Variants in BRPF1 observed in about 807,000 individuals in gnomAD.
BRPF1 encodes the protein bromodomain and PHD finger containing 1, also known as peregrin.
Under a neutral mutation model 115.0 loss-of-function variants are expected in BRPF1, and 15 were observed. The ratio of observed to expected loss-of-function variants is 0.13; its 90% CI spans 0.09 to 0.20. The LOEUF is 0.20. BRPF1 is among the 10% of genes least tolerant of loss of function. The pLI is 1.00. For missense variants in BRPF1, 1,118 were observed against 1,638.3 expected, an observed-to-expected ratio of 0.68 and a Z score of 5.48; for synonymous variants, 647 against 619.8, an observed-to-expected ratio of 1.04 and a Z score of -0.65.
At chr3:9,741,681 G>T (rs537938174) in intron 5 of BRPF1, among the ~76,000 whole-genome samples, 26 of 151,156 alleles carry the variant, frequency 1.7e-4, no homozygotes, top group African/African-American at 6.3e-4. Context: ...AATAGCGTGT[G>T]TACCCCAGCC....
intron 3 of BRPF1, 145 bp from the exon 4 acceptor site, chr3:9,740,629 TCCTTG>T: frequency 9.9e-7 from 1 of 1,005,760 alleles, no homozygotes; most frequent in Non-Finnish European, 1.5e-6. Flanking sequence ...CACTCTTTCT[TCCTTG>T]CCTTAAGTCC....
At chr3:9,741,837 G>C (rs1391545977) in intron 5 of BRPF1, among the ~76,000 whole-genome samples, 188 bp from the exon 6 acceptor site, 1 of 152,116 alleles carries the variant, frequency 6.6e-6, no homozygotes, top group Non-Finnish European at 1.5e-5. Context: ...TTCAAGAAAG[G>C]GGGAAGCCAG....
In BRPF1 at chr3:9,734,049, A is replaced by G; in HGVS notation, c.-10-82A>G. ...AATCTGGTGACTCCAAGTGAGGGGGAGGGCTAGAAAGACTGGGGTCTCTGG... is the reference window on the plus strand; with the variant it reads ...AATCTGGTGACTCCAAGTGAGGGGGGGGGCTAGAAAGACTGGGGTCTCTGG... On this transcript the variant is annotated intron_variant, in intron 1 of 13. Coordinates refer to ENST00000383829, the MANE Select transcript of BRPF1 (RefSeq NM_001003694.2). This position sits in a 1 kb window ranked among gnomAD's most constrained non-coding sequence, Gnocchi z 5.7. 2 of 1,504,588 alleles carry G rather than the reference A, an allele frequency of 1.3e-6. No homozygotes were observed. The highest frequency in any genetic ancestry group is 8.8e-7 in the Non-Finnish European group (1 of 1,132,000). 93.2% of individuals were successfully genotyped at this position (1,504,588 alleles called of 1,614,324 possible).
At chr3:9,736,914 C>T (rs1343722582) in intron 2 of BRPF1, among the ~76,000 whole-genome samples, 1 of 152,162 alleles carries the variant, frequency 6.6e-6, no homozygotes, top group Non-Finnish European at 1.5e-5. Flanking sequence ...GACATGCAGC[C>T]TACCTTATCT....
At chr3:9,744,811 G>A (rs1192048785) in intron 9 of BRPF1, among the ~76,000 whole-genome samples, 197 bp from the exon 10 acceptor site, 6 of 152,134 alleles carry the variant, frequency 3.9e-5, no homozygotes, top group African/African-American at 1.2e-4. Flanking sequence ...AGTAACTGCC[G>A]AGGGAAGCAA....
At position 9,743,317 on chromosome 3, in the gene BRPF1, T is replaced by A; in HGVS notation, c.2311+64T>A. ...CCGGGGATGGACAGCTTTCCAAAAG[T>A]CCCCTCCTGGGAGCAGGCAGTGTAG... On this transcript the variant is annotated intron_variant, in intron 7 of 13. Coordinates refer to ENST00000383829, the MANE Select transcript of BRPF1 (RefSeq NM_001003694.2). The surrounding 1 kb of genome is among the most constrained non-coding windows in gnomAD (Gnocchi z 6.1). The A allele has an allele frequency of 6.5e-7, 1 of 1,545,368 alleles. No individual in the cohort carries two copies. Among genetic ancestry groups the A allele is most frequent in the South Asian group, 1.2e-5 (1 of 80,086 alleles).
In BRPF1 at chr3:9,745,625, T is replaced by C. The variant is rs201535671; in HGVS notation, c.3121T>C (p.Phe1041Leu). 4.4e-5 allele frequency: 71 copies of C among 1,614,188 alleles called. No individual in the cohort carries two copies. The highest frequency in any genetic ancestry group is 5.8e-5 in the Non-Finnish European group (69 of 1,180,020). The change falls in exon 11 of 14, where the codon TTC becomes CTC. Residue 1041 changes from phenylalanine (F) to leucine (L), a missense_variant. This residue lies in a region of BRPF1 where 100 missense variants were observed against 109.9 expected (regional missense o/e 0.91). Transcript: ENST00000383829. The surrounding 1 kb of genome is among the most constrained non-coding windows in gnomAD (Gnocchi z 5.1). ...RGKPSFSRGT[F>L]PEDSSEDTSG... ...CAAACCCTCCTTCTCTCGGGGCACT[T>C]TCCCAGAGGACAGCAGTGAGGATAC...
At position 9,739,945 on chromosome 3, in the gene BRPF1, A is replaced by G; in HGVS notation, c.1546A>G (p.Ile516Val). The G allele has an allele frequency of 1.9e-6, 3 of 1,578,354 alleles. No homozygotes were observed. The highest frequency in any genetic ancestry group is 2.6e-6 in the Non-Finnish European group (3 of 1,162,462). Residue 516 changes from isoleucine to valine, a missense_variant, in exon 3 of 14, where the codon ATC (isoleucine) becomes GTC (valine). Around this residue, in one of 10 missense-constraint regions of BRPF1, gnomAD observed 178 missense variants for 303.7 expected, o/e 0.59. Transcript: ENST00000383829. ...AGCACCTGTGGTGTCAGTGCCCTGC[A>G]TCCCACCACACAGGTATGTGGGGAG... Reference protein sequence around the residue: ...AAAPVVSVPCIPPHRLSKITN... With the variant: ...AAAPVVSVPCVPPHRLSKITN...
In BRPF1 at chr3:9,747,089, G is replaced by GT; in HGVS notation, c.3480-74dup. On this transcript the variant is annotated intron_variant, in intron 13 of 13. Transcript: ENST00000383829. This position sits in a 1 kb window ranked among gnomAD's most constrained non-coding sequence, Gnocchi z 5.6. ...GCCAGAGTGGGTGCTTGGGTGGTGTGTTTGAGTGAATAGAGGAGGAAGGCT... is the reference window on the plus strand; with the variant it reads ...GCCAGAGTGGGTGCTTGGGTGGTGTGTTTTGAGTGAATAGAGGAGGAAGGCT... 6.5e-7 allele frequency: 1 copy of GT among 1,534,818 alleles called. No homozygotes were observed. The highest frequency in any genetic ancestry group is 2.3e-5 in the East Asian group (1 of 44,390).
Position 9,734,639 on chromosome 3 carries a change from A to G in BRPF1, c.499A>G (p.Asn167Asp), listed in dbSNP as rs1435683090. 1 of 1,614,102 alleles carries G rather than the reference A, an allele frequency of 6.2e-7. No homozygotes were observed. Among genetic ancestry groups the G allele is most frequent in the Admixed American group, 1.7e-5 (1 of 60,016 alleles). Residue 167 changes from asparagine (N) to aspartate (D), a missense_variant, in exon 2 of 14, where the codon AAT becomes GAT. This residue lies in a region of BRPF1 where 280 missense variants were observed against 382.8 expected (regional missense o/e 0.73). Transcript: ENST00000383829. This position sits in a 1 kb window ranked among gnomAD's most constrained non-coding sequence, Gnocchi z 5.7. ...RKDSNHHHHH[N>D]VSASTTPKLP... ...GGACTCCAACCATCACCACCACCAC[A>G]ATGTTTCTGCGAGCACCACTCCCAA... is the stretch of plus-strand genomic sequence containing the variant.
At chr3:9,735,017 C>CTTTT (rs781439048) in intron 2 of BRPF1, among the ~76,000 whole-genome samples, 123 of 120,186 alleles carry the variant, frequency 1.0e-3, no homozygotes, top group African/African-American at 3.8e-3. Flanking sequence ...CAGATTTATC[C>CTTTT]TTTTTTTTTT....
In BRPF1 at chr3:9,745,608, C is replaced by G; in HGVS notation, c.3104C>G (p.Ser1035Cys). ...TPSKQGRGKP[S>C]FSRGTFPEDS... Reference sequence around the variant, plus strand: ...TCAAAACAAGGCCGGGGCAAACCCTCCTTCTCTCGGGGCACTTTCCCAGAG... The same window carrying G: ...TCAAAACAAGGCCGGGGCAAACCCTGCTTCTCTCGGGGCACTTTCCCAGAG... The change falls in exon 11 of 14, where the codon TCC becomes TGC. Residue 1035 changes from serine (S) to cysteine (C), a missense_variant. By Grantham distance (112) the Ser-to-Cys change is moderately radical. Around this residue, in one of 10 missense-constraint regions of BRPF1, gnomAD observed 100 missense variants for 109.9 expected, o/e 0.91. Transcript: ENST00000383829. The surrounding 1 kb of genome is among the most constrained non-coding windows in gnomAD (Gnocchi z 5.1). The G allele has an allele frequency of 6.2e-7, 1 of 1,614,174 alleles. No homozygotes were observed. The highest frequency in any genetic ancestry group is 8.5e-7 in the Non-Finnish European group (1 of 1,179,984).
intron 4 of BRPF1, 138 bp downstream of exon 4, chr3:9,741,079 T>C: frequency 1.9e-6 from 2 of 1,063,250 alleles, no homozygotes; most frequent in East Asian, 5.2e-5. Context: ...AGGATCAGCA[T>C]GGAATGTTCA....
chr3:9,743,967 A>G lies in BRPF1; in HGVS notation c.2635+66A>G. The G allele has an allele frequency of 6.7e-7, 1 of 1,486,584 alleles. No individual in the cohort carries two copies. The highest frequency in any genetic ancestry group is 1.8e-4 in the Middle Eastern group (1 of 5,546). The allele number at this position is 1,486,584 out of a possible 1,614,324, so 92.1% of individuals were successfully genotyped here. A position where few individuals can be genotyped will look rare whatever the true frequency, so the allele number is the denominator to read the frequency against. ...ACTTTGGCTCTGCAGCACACACTCA[A>G]CCCCTGCCATTCCCCAGGCAGAGGT... On this transcript the variant is annotated intron_variant, in intron 8 of 13. Transcript: ENST00000383829. The surrounding 1 kb of genome is among the most constrained non-coding windows in gnomAD (Gnocchi z 6.1).
chr3:9,743,334 G>A lies in BRPF1; in HGVS notation c.2311+81G>A. On this transcript the variant is annotated intron_variant, in intron 7 of 13. Transcript: ENST00000383829. The surrounding 1 kb of genome is among the most constrained non-coding windows in gnomAD (Gnocchi z 6.1). ...TCCAAAAGTCCCCTCCTGGGAGCAG[G>A]CAGTGTAGGCAGAAAGCAGCTAGGC... 1.3e-6 allele frequency: 2 copies of A among 1,502,890 alleles called. No individual in the cohort carries two copies. Among genetic ancestry groups the A allele is most frequent in the East Asian group, 2.4e-5 (1 of 42,360 alleles). 93.1% of individuals were successfully genotyped at this position (1,502,890 alleles called of 1,614,324 possible).
Position 9,734,180 on chromosome 3 carries a change from T to C in BRPF1, c.40T>C (p.Leu14=). 1 of 1,612,626 alleles carries C rather than the reference T, an allele frequency of 6.2e-7. No homozygotes were observed. Among genetic ancestry groups the C allele is most frequent in the South Asian group, 1.1e-5 (1 of 91,008 alleles). Residue 14 remains leucine, a synonymous_variant, in exon 2 of 14, where the codon TTG becomes CTG. Transcript: ENST00000383829. The surrounding 1 kb of genome is among the most constrained non-coding windows in gnomAD (Gnocchi z 5.7). ...DFDVKTFCHN[L]RATKPPYECP... Reference sequence around the variant, plus strand: ...TGATGTGAAGACTTTCTGCCACAACTTGCGGGCGACTAAGCCACCATACGA... The same window carrying C: ...TGATGTGAAGACTTTCTGCCACAACCTGCGGGCGACTAAGCCACCATACGA...
chr3:9,744,372 C>T lies in BRPF1; in HGVS notation c.2784C>T (p.Ser928=). Residue 928 remains serine, a synonymous_variant, in exon 9 of 14, where the codon AGC becomes AGT. Transcript: ENST00000383829. ...PKNRESQMTP[S]HGGSPVGPPQ... is the part of the protein sequence containing the mutation. ...ACCGGGAGAGCCAGATGACCCCCAG[C>T]CACGGAGGCAGTCCTGTGGGGCCCC... The T allele has an allele frequency of 6.2e-7, 1 of 1,613,324 alleles. No homozygotes were observed. Among genetic ancestry groups the T allele is most frequent in the Non-Finnish European group, 8.5e-7 (1 of 1,179,688 alleles).
Position 9,744,336 on chromosome 3 carries a change from GC to G in BRPF1, c.2754del (p.Asn920ThrfsTer6). 6.2e-7 allele frequency: 1 copy of G among 1,613,154 alleles called. No individual in the cohort carries two copies. The highest frequency in any genetic ancestry group is 8.5e-7 in the Non-Finnish European group (1 of 1,179,570). ...TAGPPKRPGR[P>X]PKNRESQMTP... ...CTGGACCGCCCAAGAGGCCGGGCCG[GC>G]CCCCCAAAAACCGGGAGAGCCAGAT... On this transcript the variant is annotated frameshift_variant, in exon 9 of 14. Coordinates refer to ENST00000383829, the MANE Select transcript of BRPF1 (RefSeq NM_001003694.2). LOFTEE classifies it high-confidence loss of function.
chr3:9,744,651 C>T (rs1398841482), intron 9 of BRPF1, 143 bp downstream of exon 9: 4 of 679,112 alleles, frequency 5.9e-6, no homozygotes, highest in Non-Finnish European at 9.5e-6. Context: ...ACTCACTCAT[C>T]TTACAGTTGG....
Sources: gnomAD v4.1 joint callset for allele counts (sites outside exome capture counted in the v4.1 genomes callset) on GRCh38, gnomAD v4.1.1 for gene constraint, gnomAD v4.1.1 regional missense constraint, Gnocchi (gnomAD v3.1) non-coding constraint, MANE v1.5 for transcripts, NCBI Gene and HGNC (gene_info 2026-07-23, HGNC 2026-07-21) for gene names.